Variants in TIMM10B observed in about 807,000 individuals in gnomAD.
The protein encoded by TIMM10B is mitochondrial import inner membrane translocase subunit Tim10 B.
TIMM10B carries 17 observed loss-of-function variants against 12.6 expected under a neutral mutation model. That is an observed-to-expected ratio of 1.35 (90% CI 0.92 to 2.03). TIMM10B has a LOEUF of 2.03. Among genes scored for constraint, TIMM10B ranks in the 30% most tolerant of loss-of-function variants. The pLI, the probability that TIMM10B is intolerant of heterozygous loss-of-function variation, is 0.00. For synonymous variants in TIMM10B, 63 were observed against 51.3 expected, an observed-to-expected ratio of 1.23 and a Z score of -0.97; for missense variants, 165 against 133.3, an observed-to-expected ratio of 1.24 and a Z score of -1.17.
chr11:6,484,431 G>T lies in TIMM10B; in HGVS notation c.*2210G>T, dbSNP rs1851889233. On this transcript the variant is annotated 3_prime_UTR_variant, in exon 3 of 3. Transcript: ENST00000254616. The stretch of plus-strand genomic sequence containing the variant: ...TATTGAGAAAAGTGGTTCCAATCAT[G>T]TTTTTTGCCCCCTTTAGCTGCTATC... 1 of 152,192 alleles carries T rather than the reference G, an allele frequency of 6.6e-6. No individual in the cohort carries two copies. The highest frequency in any genetic ancestry group is 2.4e-5 in the African/African-American group (1 of 41,448). The allele number at this position is 152,192 out of a possible 1,614,324, so 9.4% of individuals were successfully genotyped here.
intron 1 of TIMM10B, 91 bp downstream of exon 1, chr11:6,481,646 G>A (rs1851780030): frequency 2.5e-6 from 4 of 1,578,980 alleles, no homozygotes; most frequent in Non-Finnish European, 2.6e-6. Context: ...GGATTTGAGG[G>A]CTGGAAACTT....
At position 6,482,265 on chromosome 11, in the gene TIMM10B, A is replaced by G. The variant is rs774191837; in HGVS notation, c.*44A>G. 1.9e-6 allele frequency: 3 copies of G among 1,553,022 alleles called. No individual in the cohort carries two copies. Among genetic ancestry groups the G allele is most frequent in the Non-Finnish European group, 2.6e-6 (3 of 1,143,528 alleles). ...AGGAAGGCCTTGGATGGACCCTCAG[A>G]TTGAAGGACCCGGTGGACCTTGGGG... On this transcript the variant is annotated 3_prime_UTR_variant, in exon 3 of 3. Transcript: ENST00000254616.
chr11:6,483,551 A>G lies in TIMM10B; in HGVS notation c.*1330A>G, dbSNP rs546207708. 4 of 152,428 alleles carry G rather than the reference A, an allele frequency of 2.6e-5. No homozygotes were observed. The highest frequency in any genetic ancestry group is 7.2e-5 in the African/African-American group (3 of 41,514). 9.4% of individuals were successfully genotyped at this position (152,428 alleles called of 1,614,324 possible). ...TGCCACTAAATATTCAAGGCCTCCA[A>G]CCTCAGCCAAGTCCTCACACCAACA... On this transcript the variant is annotated 3_prime_UTR_variant, in exon 3 of 3. Coordinates refer to ENST00000254616, the MANE Select transcript of TIMM10B (RefSeq NM_012192.4).
rs773755023 is a variant in TIMM10B at position 6,481,764 on chromosome 11, A to G, written c.47A>G (p.Asp16Gly). 2 of 1,614,068 alleles carry G rather than the reference A, an allele frequency of 1.2e-6. No individual in the cohort carries two copies. The highest frequency in any genetic ancestry group is 1.3e-5 in the African/African-American group (1 of 75,008). ...GTCCCCCTTTTCTCTCAGCTGCGTGACTTCCTGTTGGTCTACAATCGGATG... is the reference window on the plus strand; with the variant it reads ...GTCCCCCTTTTCTCTCAGCTGCGTGGCTTCCTGTTGGTCTACAATCGGATG... ...QQQQQLRNLR[D>G]FLLVYNRMTE... Residue 16 changes from aspartate to glycine, a missense_variant, in exon 2 of 3, where the codon GAC becomes GGC. Asp to Gly is a moderately conservative substitution (Grantham distance 94, BLOSUM62 -1). Transcript: ENST00000254616.
Position 6,482,278 on chromosome 11 carries a change from G to A in TIMM10B, c.*57G>A. 1 of 1,501,622 alleles carries A rather than the reference G, an allele frequency of 6.7e-7. No individual in the cohort carries two copies. Among genetic ancestry groups the A allele is most frequent in the East Asian group, 2.3e-5 (1 of 43,134 alleles). The allele number at this position is 1,501,622 out of a possible 1,614,324, so 93.0% of individuals were successfully genotyped here. Reference sequence around the variant, plus strand: ...ATGGACCCTCAGATTGAAGGACCCGGTGGACCTTGGGGTTGGTGAATCCTA... The same window carrying A: ...ATGGACCCTCAGATTGAAGGACCCGATGGACCTTGGGGTTGGTGAATCCTA... On this transcript the variant is annotated 3_prime_UTR_variant, in exon 3 of 3. Coordinates refer to ENST00000254616, the MANE Select transcript of TIMM10B (RefSeq NM_012192.4).
intron 1 of TIMM10B, 81 bp from the exon 2 acceptor site, chr11:6,481,676 C>T: frequency 1.9e-6 from 3 of 1,600,532 alleles, no homozygotes; most frequent in Non-Finnish European, 2.6e-6. Flanking sequence ...GCGCGCGGGC[C>T]TGGGAAACTT....
rs73400846 is a variant in TIMM10B, at chr11:6,481,606, G to A, written c.39+51G>A. On this transcript the variant is annotated intron_variant, in intron 1 of 2. Coordinates refer to ENST00000254616, the MANE Select transcript of TIMM10B (RefSeq NM_012192.4). The stretch of plus-strand genomic sequence containing the variant: ...GGCCAGACGTTCAGCTCGCATTCCT[G>A]CACACATCGCGGGAACCCCACAGGG... 3.1e-4 allele frequency: 493 copies of A among 1,575,964 alleles called. 1 individual carries two copies. In the African/African-American group the frequency reaches 6.3e-3, roughly 20 times the overall value.
In TIMM10B at chr11:6,481,758, T is replaced by G; in HGVS notation, c.41T>G (p.Leu14Arg). ...QQQQQQQLRNLRDFLLVYNRM... is the reference protein window; with the variant it reads ...QQQQQQQLRNRRDFLLVYNRM... ...TTTGTGGTCCCCCTTTTCTCTCAGC[T>G]GCGTGACTTCCTGTTGGTCTACAAT... The change falls in exon 2 of 3, where the codon CTG (leucine) becomes CGG (arginine). Residue 14 changes from leucine to arginine, a missense_variant and splice_region_variant. Transcript: ENST00000254616. The G allele has an allele frequency of 6.2e-7, 1 of 1,614,138 alleles. No individual in the cohort carries two copies. The highest frequency in any genetic ancestry group is 8.5e-7 in the Non-Finnish European group (1 of 1,180,038).
chr11:6,481,553 A>G lies in TIMM10B; in HGVS notation c.37A>G (p.Asn13Asp). 6.2e-7 allele frequency: 1 copy of G among 1,607,786 alleles called. No homozygotes were observed. The highest frequency in any genetic ancestry group is 8.5e-7 in the Non-Finnish European group (1 of 1,177,388). ...RQQQQQQQLR[N>D]LRDFLLVYNR... The stretch of plus-strand genomic sequence containing the variant: ...GCAGCAGCAGCAACAGCAACTGCGA[A>G]ACGTAAGTGAGAACTAAGTCGTTTC... The change falls in exon 1 of 3, where the codon AAC becomes GAC. Residue 13 changes from asparagine (N) to aspartate (D), a missense_variant and splice_region_variant. Transcript: ENST00000254616.
intron 1 of TIMM10B, 43 bp downstream of exon 1, chr11:6,481,598 G>T: frequency 6.3e-7 from 1 of 1,581,240 alleles, no homozygotes; most frequent in East Asian, 2.3e-5. Flanking sequence ...CGTTCAGCTC[G>T]CATTCCTGCA....
At chr11:6,481,617 G>A (rs1429235569) in intron 1 of TIMM10B, 62 bp downstream of exon 1, 2 of 1,573,362 alleles carry the variant, frequency 1.3e-6, no homozygotes, top group African/African-American at 2.7e-5. Context: ...CACACATCGC[G>A]GGAACCCCAC....
Position 6,482,129 on chromosome 11 carries a change from C to G in TIMM10B, c.220C>G (p.Leu74Val), listed in dbSNP as rs758915217. The change falls in exon 3 of 3, where the codon CTG becomes GTG. Residue 74 changes from leucine to valine, a missense_variant. Coordinates refer to ENST00000254616, the MANE Select transcript of TIMM10B (RefSeq NM_012192.4). ...CGCTTACGTGCAGCTCATGCCTGCCCTGGTACAGCGCCGCATCGCAGACTA... is the reference window on the plus strand; with the variant it reads ...CGCTTACGTGCAGCTCATGCCTGCCGTGGTACAGCGCCGCATCGCAGACTA... ...MAAYVQLMPA[L>V]VQRRIADYEA... 3 of 1,613,540 alleles carry G rather than the reference C, an allele frequency of 1.9e-6. No homozygotes were observed. The highest frequency in any genetic ancestry group is 1.1e-5 in the South Asian group (1 of 91,092).
At position 6,482,356 on chromosome 11, in the gene TIMM10B, T is replaced by A; in HGVS notation, c.*135T>A. 1.3e-6 allele frequency: 1 copy of A among 775,816 alleles called. No homozygotes were observed. The highest frequency in any genetic ancestry group is 2.0e-6 in the Non-Finnish European group (1 of 498,386). 48.1% of individuals were successfully genotyped at this position (775,816 alleles called of 1,614,324 possible). On this transcript the variant is annotated 3_prime_UTR_variant, in exon 3 of 3. Coordinates refer to ENST00000254616, the MANE Select transcript of TIMM10B (RefSeq NM_012192.4). Reference sequence around the variant, plus strand: ...AGCTGGGTGTCCTTGCTCCTTTTCCTGGAGCCAATATACCCAGTTTTTACT... The same window carrying A: ...AGCTGGGTGTCCTTGCTCCTTTTCCAGGAGCCAATATACCCAGTTTTTACT...
rs1406562285 is a variant in TIMM10B at position 6,482,347 on chromosome 11, T to G, written c.*126T>G. The G allele has an allele frequency of 4.7e-6, 4 of 858,982 alleles. No individual in the cohort carries two copies. The highest frequency in any genetic ancestry group is 7.0e-6 in the Non-Finnish European group (4 of 573,500). 53.2% of individuals were successfully genotyped at this position (858,982 alleles called of 1,614,324 possible). A position where few individuals can be genotyped will look rare whatever the true frequency, so the allele number is the denominator to read the frequency against. The stretch of plus-strand genomic sequence containing the variant: ...TTGCCTGAAAGCTGGGTGTCCTTGC[T>G]CCTTTTCCTGGAGCCAATATACCCA... On this transcript the variant is annotated 3_prime_UTR_variant, in exon 3 of 3. Transcript: ENST00000254616.
chr11:6,483,924 C>T lies in TIMM10B; in HGVS notation c.*1703C>T, dbSNP rs879549488. On this transcript the variant is annotated 3_prime_UTR_variant, in exon 3 of 3. Coordinates refer to ENST00000254616, the MANE Select transcript of TIMM10B (RefSeq NM_012192.4). The stretch of plus-strand genomic sequence containing the variant: ...CTCTTAAGATAGTATTTATTGAGCA[C>T]ACACTTTGTGTAGGTTCTGATTTTG... 5.3e-5 allele frequency: 8 copies of T among 152,184 alleles called. No individual in the cohort carries two copies. Among genetic ancestry groups the T allele is most frequent in the Non-Finnish European group, 7.3e-5 (5 of 68,032 alleles). 9.4% of individuals were successfully genotyped at this position (152,184 alleles called of 1,614,324 possible).
At chr11:6,481,889 A>G (rs1255304048) in intron 2 of TIMM10B, 37 bp downstream of exon 2, 3 of 1,611,728 alleles carry the variant, frequency 1.9e-6, no homozygotes, top group African/African-American at 1.3e-5. Context: ...CTGCAAGAAG[A>G]GTTTAGCGGT....
chr11:6,483,057 C>A lies in TIMM10B; in HGVS notation c.*836C>A, dbSNP rs564546516. On this transcript the variant is annotated 3_prime_UTR_variant, in exon 3 of 3. Transcript: ENST00000254616. ...CAGGATGAGCAGTAAAACCTTTGAA[C>A]AAAGGTCTGTGTGGTTGTCTTCACG... The A allele has an allele frequency of 1.3e-5, 2 of 152,208 alleles. No homozygotes were observed. Among genetic ancestry groups the A allele is most frequent in the East Asian group, 3.9e-4 (2 of 5,182 alleles). 9.4% of individuals were successfully genotyped at this position (152,208 alleles called of 1,614,324 possible). A position where few individuals can be genotyped will look rare whatever the true frequency, so the allele number is the denominator to read the frequency against.
At chr11:6,481,919 C>T (rs180881643) in intron 2 of TIMM10B, 67 bp downstream of exon 2, 2 of 1,604,300 alleles carry the variant, frequency 1.2e-6, no homozygotes, top group East Asian at 4.5e-5. Context: ...CCCTCCTCAC[C>T]CCACTTCCCG....
chr11:6,481,878 G>T, intron 2 of TIMM10B, 26 bp downstream of exon 2: 5 of 1,612,504 alleles, frequency 3.1e-6, no homozygotes, highest in Non-Finnish European at 4.2e-6. Flanking sequence ...GGGAGGTTAC[G>T]CTGCAAGAAG....
Sources: gnomAD v4.1 joint callset for allele counts on GRCh38, gnomAD v4.1.1 for gene constraint, MANE v1.5 for transcripts, NCBI Gene and HGNC (gene_info 2026-07-23, HGNC 2026-07-21) for gene names.